UBAC2: variants seen among roughly 807,000 people sequenced by gnomAD.
The protein encoded by UBAC2 is UBA domain containing 2, also known as ubiquitin-associated domain-containing protein 2.
Under a neutral mutation model 44.0 loss-of-function variants are expected in UBAC2, and 26 were observed. That is an observed-to-expected ratio of 0.59 (90% CI 0.43 to 0.82). The LOEUF is 0.82. Ranked by LOEUF, UBAC2 falls within the 40% of genes least tolerant of loss-of-function variation. The probability of loss-of-function intolerance (pLI) is 0.00; values close to 1 mark genes in which losing one functional copy is unlikely to be tolerated. For missense variants in UBAC2, 329 were observed against 419.4 expected, an observed-to-expected ratio of 0.78 and a Z score of 1.88; for synonymous variants, 155 against 154.3, an observed-to-expected ratio of 1.00 and a Z score of -0.04.
intron 4 of UBAC2, among the ~76,000 whole-genome samples, chr13:99,253,058 T>G (rs1426096402): frequency 6.6e-6 from 1 of 150,826 alleles, no homozygotes; most frequent in Admixed American, 6.6e-5. Flanking sequence ...TTAGAAATAA[T>G]TATATGTTAA....
chr13:99,236,197 G>A (rs565838383), intron 1 of UBAC2, among the ~76,000 whole-genome samples: 1 of 152,154 alleles, frequency 6.6e-6, no homozygotes, highest in African/African-American at 2.4e-5. Flanking sequence ...AGGAAAAATA[G>A]ACAAGTGGGA....
At chr13:99,260,898 T>C (rs1334765291) in intron 4 of UBAC2, among the ~76,000 whole-genome samples, 2 of 152,214 alleles carry the variant, frequency 1.3e-5, no homozygotes, top group East Asian at 3.8e-4. Flanking sequence ...GCTGCAGTTT[T>C]GGGTTTTGGT....
intron 4 of UBAC2, among the ~76,000 whole-genome samples, chr13:99,274,905 A>G (rs1008241342): frequency 6.6e-6 from 1 of 151,524 alleles, no homozygotes; most frequent in Non-Finnish European, 1.5e-5. Context: ...CTTTGTAGAG[A>G]TGAGGTTTCT....
At chr13:99,284,359 G>C (rs532928952) in intron 4 of UBAC2, among the ~76,000 whole-genome samples, 1 of 152,168 alleles carries the variant, frequency 6.6e-6, no homozygotes, top group Non-Finnish European at 1.5e-5. Flanking sequence ...TTTCTTTTCA[G>C]TAGCTACCAA....
chr13:99,231,746 C>T (rs1399020437), intron 1 of UBAC2, among the ~76,000 whole-genome samples: 2 of 152,056 alleles, frequency 1.3e-5, no homozygotes, highest in Non-Finnish European at 2.9e-5. Flanking sequence ...TTGACTAGTT[C>T]CCTCTTTTGA....
intron 7 of UBAC2, chr13:99,351,823 C>T (rs1158350472): frequency 2.2e-6 from 1 of 454,784 alleles, no homozygotes; most frequent in African/African-American, 2.0e-5. Context: ...TTAACTGCCT[C>T]CTCATCTCAT....
intron 1 of UBAC2, among the ~76,000 whole-genome samples, chr13:99,208,910 ATTTATTTTGGCCAG>A (rs1451879148): frequency 2.6e-5 from 4 of 151,970 alleles, no homozygotes; most frequent in Non-Finnish European, 5.9e-5. Context: ...ATTTTGGTCG[ATTTATTTTGGCCAG>A]TTTATTTTGG....
intron 1 of UBAC2, among the ~76,000 whole-genome samples, chr13:99,222,925 G>A (rs1359166202): frequency 1.3e-5 from 2 of 152,136 alleles, no homozygotes; most frequent in African/African-American, 4.8e-5. Context: ...TATAGAATTG[G>A]TATTTAAATG....
At chr13:99,326,825 T>A (rs2138796745) in intron 6 of UBAC2, among the ~76,000 whole-genome samples, 1 of 152,240 alleles carries the variant, frequency 6.6e-6, no homozygotes. Flanking sequence ...ACACAGTTAT[T>A]CTTAAAGTTT....
chr13:99,380,390 G>A (rs536551914), intron 8 of UBAC2, among the ~76,000 whole-genome samples: 33 of 152,312 alleles, frequency 2.2e-4, no homozygotes, highest in Middle Eastern at 3.4e-3. Context: ...GCTTCTCTGA[G>A]CAGAGGAATA....
intron 1 of UBAC2, among the ~76,000 whole-genome samples, chr13:99,214,533 C>T (rs548018147): frequency 6.6e-6 from 1 of 152,000 alleles, no homozygotes; most frequent in Non-Finnish European, 1.5e-5. Flanking sequence ...CTGTGAGAAC[C>T]CCCTGCAGTC....
chr13:99,231,257 A>G (rs2043169186), intron 1 of UBAC2, among the ~76,000 whole-genome samples: 1 of 152,146 alleles, frequency 6.6e-6, no homozygotes, highest in Admixed American at 6.6e-5. Flanking sequence ...CCTGTTGATA[A>G]GTTCACCTTC....
At chr13:99,321,318 T>C (rs1408541458) in intron 6 of UBAC2, among the ~76,000 whole-genome samples, 1 of 152,164 alleles carries the variant, frequency 6.6e-6, no homozygotes, top group East Asian at 1.9e-4. Flanking sequence ...TAGGCTAGCT[T>C]TTTTGTTTTG....
rs117463218 is a variant in UBAC2, at chr13:99,210,956, A to T, written c.31+10017A>T. Among the ~76,000 whole-genome samples the T allele has an allele frequency of 4.6e-5, 7 of 152,216 alleles. No individual in the cohort carries two copies. The East Asian group carries it at 1.4e-3, about 29-fold the overall frequency. On this transcript the variant is annotated intron_variant, in intron 1 of 8. Coordinates refer to ENST00000403766, the MANE Select transcript of UBAC2 (RefSeq NM_001144072.2). ...TAAGCATTCCCCTAGGATGCTGCAGAATTAGGTTGTTTCTCCCCTCCTTTA... is the reference window on the plus strand; with the variant it reads ...TAAGCATTCCCCTAGGATGCTGCAGTATTAGGTTGTTTCTCCCCTCCTTTA...
At chr13:99,328,337 G>A (rs2044668332) in intron 6 of UBAC2, among the ~76,000 whole-genome samples, 2 of 152,178 alleles carry the variant, frequency 1.3e-5, no homozygotes, top group African/African-American at 2.4e-5. Flanking sequence ...ACATTTGTGT[G>A]TGGACATATG....
intron 7 of UBAC2, among the ~76,000 whole-genome samples, chr13:99,343,865 A>G (rs1363575071): frequency 1.3e-5 from 2 of 152,260 alleles, no homozygotes; most frequent in Non-Finnish European, 2.9e-5. Flanking sequence ...AGTACCGTAC[A>G]GGGTGCAGTT....
intron 7 of UBAC2, among the ~76,000 whole-genome samples, chr13:99,350,540 G>A (rs2181500): frequency 0.99 from 150,393 of 152,360 alleles, 74,243 homozygotes; most frequent in East Asian, 1. Flanking sequence ...ATTGCTGAAT[G>A]TGTGCTGGAG....
intron 4 of UBAC2, among the ~76,000 whole-genome samples, chr13:99,307,684 A>G (rs921195179): frequency 3.9e-5 from 6 of 152,222 alleles, no homozygotes; most frequent in Non-Finnish European, 8.8e-5. Context: ...ATTCTTTGAA[A>G]GAGACTGAAG....
At chr13:99,257,954 A>C (rs2043595167) in intron 4 of UBAC2, among the ~76,000 whole-genome samples, 1 of 152,142 alleles carries the variant, frequency 6.6e-6, no homozygotes, top group Non-Finnish European at 1.5e-5. Flanking sequence ...AATTAAATAT[A>C]TTTTTTTAAT....
Sources: gnomAD v4.1 joint callset for allele counts (sites outside exome capture counted in the v4.1 genomes callset) on GRCh38, gnomAD v4.1.1 for gene constraint, MANE v1.5 for transcripts, NCBI Gene and HGNC (gene_info 2026-07-23, HGNC 2026-07-21) for gene names.